The following HCN1 variants were observed in gnomAD, a reference collection of about 807,000 sequenced individuals.
The protein encoded by HCN1 is hyperpolarization activated cyclic nucleotide gated potassium channel 1.
In HCN1, 13 loss-of-function variants were observed where a neutral mutation model predicts 78.9. The observed-to-expected ratio is 0.16, with a 90% CI of 0.11 to 0.26. HCN1 has a LOEUF of 0.26. Among genes scored for constraint, HCN1 ranks in the 10% least tolerant of loss-of-function variants. HCN1 has a pLI of 1.00. For missense variants in HCN1, 810 were observed against 1,154.3 expected, an observed-to-expected ratio of 0.70 and a Z score of 4.32; for synonymous variants, 552 against 455.5, an observed-to-expected ratio of 1.21 and a Z score of -2.70.
intron 4 of HCN1, among the ~76,000 whole-genome samples, chr5:45,381,812 C>T (rs1027124189): frequency 1.3e-5 from 2 of 152,122 alleles, no homozygotes; most frequent in Non-Finnish European, 2.9e-5. Context: ...CTAACTGGAC[C>T]TACACCCCAC....
chr5:45,337,017 G>A (rs1746471125), intron 5 of HCN1, among the ~76,000 whole-genome samples: 1 of 151,916 alleles, frequency 6.6e-6, no homozygotes, highest in African/African-American at 2.4e-5. Flanking sequence ...CACCTTAGTA[G>A]CAATATAAAA....
intron 1 of HCN1, among the ~76,000 whole-genome samples, chr5:45,651,397 C>T (rs1303100280): frequency 6.6e-6 from 1 of 151,864 alleles, no homozygotes; most frequent in Non-Finnish European, 1.5e-5. Context: ...AAGTTTGGAC[C>T]ATTGCATTTA....
chr5:45,523,004 C>T (rs963825231), intron 2 of HCN1, among the ~76,000 whole-genome samples: 3 of 151,806 alleles, frequency 2.0e-5, no homozygotes, highest in African/African-American at 7.3e-5. Flanking sequence ...GCCATCCCTC[C>T]CCACTCCCCC....
intron 4 of HCN1, among the ~76,000 whole-genome samples, chr5:45,356,255 C>A (rs935301181): frequency 6.6e-6 from 1 of 151,730 alleles, no homozygotes; most frequent in African/African-American, 2.4e-5. Context: ...GCAAGGATGC[C>A]AATACAATTC....
At chr5:45,595,325 T>C (rs538012057) in intron 2 of HCN1, among the ~76,000 whole-genome samples, 2 of 152,234 alleles carry the variant, frequency 1.3e-5, no homozygotes, top group South Asian at 2.1e-4. Context: ...AATTAAGAAT[T>C]TGATGCTCAA....
intron 3 of HCN1, among the ~76,000 whole-genome samples, chr5:45,403,962 CCTT>C (rs1266052234): frequency 6.6e-6 from 1 of 152,082 alleles, no homozygotes; most frequent in East Asian, 1.9e-4. Flanking sequence ...CATGCAGTCT[CCTT>C]CTAAGGACCA....
At chr5:45,557,530 C>G (rs1179181302) in intron 2 of HCN1, among the ~76,000 whole-genome samples, 2 of 152,076 alleles carry the variant, frequency 1.3e-5, no homozygotes, top group South Asian at 4.1e-4. Context: ...GGCTTTATTG[C>G]ACTTGGCAGA....
chr5:45,660,689 G>A (rs1399603382), intron 1 of HCN1, among the ~76,000 whole-genome samples: 1 of 140,988 alleles, frequency 7.1e-6, no homozygotes, highest in Non-Finnish European at 1.5e-5. Flanking sequence ...AACCAACAAA[G>A]ATCAAAAGAG....
intron 2 of HCN1, among the ~76,000 whole-genome samples, chr5:45,525,519 G>T (rs925598313): frequency 1.3e-5 from 2 of 151,414 alleles, no homozygotes; most frequent in African/African-American, 2.4e-5. Context: ...TATTCCGTCT[G>T]TACAAATCCA....
At chr5:45,531,513 G>T (rs1225566471) in intron 2 of HCN1, among the ~76,000 whole-genome samples, 2 of 152,086 alleles carry the variant, frequency 1.3e-5, no homozygotes, top group Non-Finnish European at 1.5e-5. Context: ...ACCCTCTGTT[G>T]TCCTCAGAAT....
intron 5 of HCN1, among the ~76,000 whole-genome samples, chr5:45,334,985 ACTAT>A (rs1239525143): frequency 2.6e-5 from 4 of 152,040 alleles, no homozygotes; most frequent in African/African-American, 4.8e-5. Flanking sequence ...TTCTTGCATA[ACTAT>A]CTATTCGACA....
At chr5:45,609,983 G>C (rs1270829623) in intron 2 of HCN1, among the ~76,000 whole-genome samples, 1 of 152,072 alleles carries the variant, frequency 6.6e-6, no homozygotes, top group Non-Finnish European at 1.5e-5. Context: ...GATAAATTGA[G>C]GTCAGATCAA....
intron 4 of HCN1, among the ~76,000 whole-genome samples, chr5:45,389,423 T>C (rs1182653262): frequency 6.6e-6 from 1 of 152,144 alleles, no homozygotes; most frequent in Middle Eastern, 3.2e-3. Flanking sequence ...TAGCATTAAT[T>C]TCCTAAAAAA....
intron 4 of HCN1, among the ~76,000 whole-genome samples, chr5:45,374,834 CT>C (rs1747568691): frequency 6.9e-6 from 1 of 145,378 alleles, no homozygotes; most frequent in Admixed American, 7.2e-5. Flanking sequence ...AGATAGATAT[CT>C]TTTTCTTCAA....
At chr5:45,448,912 G>T (rs1450966514) in intron 3 of HCN1, among the ~76,000 whole-genome samples, 3 of 152,106 alleles carry the variant, frequency 2.0e-5, no homozygotes, top group Admixed American at 6.6e-5. Context: ...TCAGGAATTT[G>T]AGACCAGCCT....
rs1375471375 is a variant in HCN1 at position 45,375,290 on chromosome 5, T to TATA, written c.1230+21199_1230+21201dup. Among the ~76,000 whole-genome samples the TATA allele has an allele frequency of 9.1e-5, 11 of 120,362 alleles. 1 individual carries two copies. The highest frequency in any genetic ancestry group is 2.6e-4 in the African/African-American group (8 of 30,430). The allele number at this position is 120,362 out of a possible 152,430, so 79.0% of individuals were successfully genotyped here. ...ATAATATATAATATATTATACATAA[T>TATA]ATATTTCATGATATACAATATATAT... On this transcript the variant is annotated intron_variant, in intron 4 of 7. Transcript: ENST00000303230.
In HCN1 at chr5:45,300,178, A is replaced by C. The variant is rs1229090204; in HGVS notation, c.1618+3421T>G. ...CATCTTTGTGCATAATAACACTTCA[A>C]AAAATTCTTTTTAAATGTTTCTTCT... On this transcript the variant is annotated intron_variant, in intron 6 of 7. Coordinates refer to ENST00000303230, the MANE Select transcript of HCN1 (RefSeq NM_021072.4). Among the ~76,000 whole-genome samples the C allele has an allele frequency of 3.3e-5, 5 of 152,026 alleles. No homozygotes were observed. The East Asian group carries it at 9.7e-4, about 29-fold the overall frequency.
At chr5:45,294,792 C>A (rs1039936380) in intron 6 of HCN1, among the ~76,000 whole-genome samples, 3 of 151,914 alleles carry the variant, frequency 2.0e-5, no homozygotes, top group Non-Finnish European at 4.4e-5. Flanking sequence ...AATAAAAGGG[C>A]CATGGATAGA....
intron 2 of HCN1, among the ~76,000 whole-genome samples, chr5:45,602,909 A>C (rs1246809903): frequency 6.6e-6 from 1 of 152,142 alleles, no homozygotes; most frequent in African/African-American, 2.4e-5. Flanking sequence ...TCTAGTGATC[A>C]GAAGCAATCT....
Sources: allele counts gnomAD v4.1 joint callset (sites outside exome capture counted in the v4.1 genomes callset), GRCh38; gene constraint gnomAD v4.1.1; transcripts MANE v1.5; gene names NCBI Gene and HGNC (gene_info 2026-07-23, HGNC 2026-07-21).